ALG5: variants seen among roughly 807,000 people sequenced by gnomAD.
ALG5 encodes dolichyl-phosphate beta-glucosyltransferase.
A neutral mutation model predicts 51.8 loss-of-function variants in ALG5; 26 were observed. The ratio of observed to expected loss-of-function variants is 0.50; its 90% CI spans 0.37 to 0.70. The LOEUF is 0.70. Ranked by LOEUF, ALG5 falls within the 30% of genes least tolerant of loss-of-function variation. The pLI, the probability that ALG5 is intolerant of heterozygous loss-of-function variation, is 0.00. For missense variants in ALG5, 311 were observed against 399.3 expected (o/e 0.78, Z 1.88); for synonymous variants, 141 against 136.1 (o/e 1.04, Z -0.25).
chr13:36,984,986 G>T (rs942004638), intron 6 of ALG5, among the ~76,000 whole-genome samples: 1 of 152,010 alleles, frequency 6.6e-6, no homozygotes, highest in Non-Finnish European at 1.5e-5. Flanking sequence ...TAGGTATATT[G>T]TTTGACATAT....
intron 6 of ALG5, among the ~76,000 whole-genome samples, chr13:36,982,243 C>T (rs2058983051): frequency 6.6e-6 from 1 of 152,174 alleles, no homozygotes; most frequent in African/African-American, 2.4e-5. Flanking sequence ...AAGACAGAAA[C>T]AATGGAAGGG....
chr13:36,975,787 G>A (rs2058947485), intron 6 of ALG5, among the ~76,000 whole-genome samples: 1 of 151,796 alleles, frequency 6.6e-6, no homozygotes, highest in Non-Finnish European at 1.5e-5. Context: ...TTGGGAGGCC[G>A]AAGTGGGCAC....
At chr13:36,980,239 T>G (rs9547712) in intron 6 of ALG5, among the ~76,000 whole-genome samples, 124,701 of 151,950 alleles carry the variant, frequency 0.82, 52,027 homozygotes, top group East Asian at 1. Context: ...TGAAAAAATT[T>G]TTTATTATTT....
chr13:36,969,112 T>A (rs972921867), intron 7 of ALG5, among the ~76,000 whole-genome samples: 1 of 152,360 alleles, frequency 6.6e-6, no homozygotes, highest in Admixed American at 6.5e-5. Flanking sequence ...GATTGATCCC[T>A]TGATACCTGG....
intron 3 of ALG5, 125 bp downstream of exon 3, chr13:36,994,864 A>G: frequency 1.3e-6 from 1 of 748,864 alleles, no homozygotes; most frequent in South Asian, 1.7e-5. Flanking sequence ...AGCAAGCAGC[A>G]GGTGGCCCAG....
rs574382112 is a variant in ALG5, at chr13:36,977,245, T to A, written c.562-5209A>T. Reference sequence around the variant, plus strand: ...ATATCTTTGTTTTAAAAACTGCCCATGTTAGAAAATGTCTGTAGACATGGA... The same window carrying A: ...ATATCTTTGTTTTAAAAACTGCCCAAGTTAGAAAATGTCTGTAGACATGGA... On this transcript the variant is annotated intron_variant, in intron 6 of 9. Transcript: ENST00000239891. Among the ~76,000 whole-genome samples the A allele has an allele frequency of 7.2e-5, 11 of 152,356 alleles. No homozygotes were observed. In the South Asian group the frequency reaches 2.3e-3, roughly 32 times the overall value.
chr13:36,979,806 G>T (rs2138812255), intron 6 of ALG5, among the ~76,000 whole-genome samples: 1 of 152,268 alleles, frequency 6.6e-6, no homozygotes, highest in East Asian at 1.9e-4. Flanking sequence ...CCAGCACTTT[G>T]GGGGCCAAGG....
Position 36,981,026 on chromosome 13 carries a change from AT to A in ALG5, c.561+4600del, listed in dbSNP as rs1020591729. The stretch of plus-strand genomic sequence containing the variant: ...TTTAGTATGAAAATGTAAATGCCCT[AT>A]TTTATTTGTATGTATTATACAAAGC... On this transcript the variant is annotated intron_variant, in intron 6 of 9. Coordinates refer to ENST00000239891, the MANE Select transcript of ALG5 (RefSeq NM_013338.5). Among the ~76,000 whole-genome samples, 3 of 152,138 alleles carry A rather than the reference AT, an allele frequency of 2.0e-5. 1 individual carries two copies. The highest frequency in any genetic ancestry group is 7.2e-5 in the African/African-American group (3 of 41,430).
chr13:36,964,506 C>T (rs1438578429), intron 8 of ALG5, among the ~76,000 whole-genome samples: 1 of 152,022 alleles, frequency 6.6e-6, no homozygotes, highest in Non-Finnish European at 1.5e-5. Context: ...AGCTTCTGTA[C>T]AACAGTGCTA....
chr13:36,977,604 C>T (rs2058957951), intron 6 of ALG5, among the ~76,000 whole-genome samples: 1 of 151,640 alleles, frequency 6.6e-6, no homozygotes, highest in Non-Finnish European at 1.5e-5. Flanking sequence ...CCAGCCTGGC[C>T]AACATGGTGA....
At chr13:36,987,885 G>C (rs149579532) in intron 5 of ALG5, among the ~76,000 whole-genome samples, 1 of 152,194 alleles carries the variant, frequency 6.6e-6, no homozygotes, top group African/African-American at 2.4e-5. Context: ...TGATTAAAGT[G>C]TCACTCTGTC....
intron 1 of ALG5, among the ~76,000 whole-genome samples, chr13:36,997,564 G>A (rs1310654517): frequency 6.6e-6 from 1 of 151,910 alleles, no homozygotes. Context: ...AGAGTACAAT[G>A]TGTGGCACTT....
At chr13:36,953,617 CATT>C (rs2058827418) in intron 8 of ALG5, among the ~76,000 whole-genome samples, 1 of 152,160 alleles carries the variant, frequency 6.6e-6, no homozygotes. Context: ...TGGTGTAAAA[CATT>C]ATTAATACAG....
chr13:36,962,568 C>G (rs1225592742), intron 8 of ALG5, among the ~76,000 whole-genome samples: 2 of 151,956 alleles, frequency 1.3e-5, no homozygotes, highest in Admixed American at 6.6e-5. Context: ...TGGACTCAAG[C>G]AATCCACCTG....
At chr13:36,986,460 T>C (rs1176765651) in intron 5 of ALG5, among the ~76,000 whole-genome samples, 1 of 152,200 alleles carries the variant, frequency 6.6e-6, no homozygotes, top group Non-Finnish European at 1.5e-5. Flanking sequence ...ATTTCTTACG[T>C]GCAAATATAT....
chr13:36,965,127 G>C (rs1215192158), intron 8 of ALG5, among the ~76,000 whole-genome samples: 1 of 152,070 alleles, frequency 6.6e-6, no homozygotes, highest in Admixed American at 6.6e-5. Flanking sequence ...GAAGGGAAAA[G>C]GCTGAATACA....
At chr13:36,965,524 A>G in intron 8 of ALG5, 51 bp downstream of exon 8, 1 of 1,544,276 alleles carries the variant, frequency 6.5e-7, no homozygotes, top group Non-Finnish European at 8.8e-7. Flanking sequence ...CATTACCTAG[A>G]AGATGGCTGG....
At position 36,991,607 on chromosome 13, in the gene ALG5, T is replaced by A. The variant is rs530206441; in HGVS notation, c.354+1997A>T. 1.7e-3 allele frequency among the ~76,000 whole-genome samples: 254 copies of A among 151,538 alleles called. 2 individuals carry two copies. Among genetic ancestry groups the A allele is most frequent in the African/African-American group, 5.9e-3 (245 of 41,458 alleles). The stretch of plus-strand genomic sequence containing the variant: ...GAACCATGATTGGTCTAACTCCTCT[T>A]TGCTGAGTACTTTTGCAGCCTCCCT... On this transcript the variant is annotated intron_variant, in intron 4 of 9. Coordinates refer to ENST00000239891, the MANE Select transcript of ALG5 (RefSeq NM_013338.5).
At chr13:36,966,027 A>C (rs1306646277) in intron 7 of ALG5, among the ~76,000 whole-genome samples, 1 of 152,214 alleles carries the variant, frequency 6.6e-6, no homozygotes, top group Non-Finnish European at 1.5e-5. Flanking sequence ...TGCTGTGAGC[A>C]AGGAGAACGT....
Sources: allele counts gnomAD v4.1 joint callset (sites outside exome capture counted in the v4.1 genomes callset), GRCh38; gene constraint gnomAD v4.1.1; transcripts MANE v1.5; gene names NCBI Gene and HGNC (gene_info 2026-07-23, HGNC 2026-07-21).